The following AMPD3 variants were observed in gnomAD, a reference collection of about 807,000 sequenced individuals.
The protein encoded by AMPD3 is AMP deaminase 3.
Under a neutral mutation model 82.3 loss-of-function variants are expected in AMPD3, and 57 were observed. The observed-to-expected ratio is 0.69, with a 90% confidence interval of 0.56 to 0.86. The LOEUF (loss-of-function observed/expected upper bound fraction) is 0.86. AMPD3 is among the 40% of genes least tolerant of loss of function. The pLI is 0.00. For missense variants in AMPD3, 870 were observed against 1,003.8 expected (o/e 0.87, Z 1.80); for synonymous variants, 381 against 394.7 (o/e 0.97, Z 0.41).
Position 10,505,932 on chromosome 11 carries a change from T to C in AMPD3, c.*48T>C, listed in dbSNP as rs1237384511. 2.6e-5 allele frequency: 41 copies of C among 1,605,878 alleles called. No individual in the cohort carries two copies. Among genetic ancestry groups the C allele is most frequent in the Middle Eastern group, 1.6e-4 (1 of 6,068 alleles). ...TAACTTTTTGGTTCAATTTCAAGTC[T>C]GCTGTGGCTAATAGTGGTCAAGATT... On this transcript the variant is annotated 3_prime_UTR_variant, in exon 15 of 15. Coordinates refer to ENST00000396553, the MANE Select transcript of AMPD3 (RefSeq NM_001025389.2).
At chr11:10,500,475 AC>A (rs1263828819) in intron 11 of AMPD3, 1 of 592,768 alleles carries the variant, frequency 1.7e-6, no homozygotes, top group Non-Finnish European at 2.1e-6. Flanking sequence ...ACCATAACAC[AC>A]ATGCCAGTAC....
At chr11:10,455,242 T>C (rs1848058821), upstream of AMPD3, 1 of 985,456 alleles carries the variant, frequency 1.0e-6, no homozygotes, top group Non-Finnish European at 1.2e-6. Flanking sequence ...TGGGAGGCTA[T>C]GTGTCTGTTC....
At chr11:10,470,732 T>C (rs539781545) in intron 2 of AMPD3, among the ~76,000 whole-genome samples, 3 of 152,202 alleles carry the variant, frequency 2.0e-5, no homozygotes, top group African/African-American at 7.2e-5. Flanking sequence ...GAGAATAAAA[T>C]AGCTAGGAAT....
intron 1 of AMPD3, among the ~76,000 whole-genome samples, chr11:10,460,064 AT>A (rs1191869340): frequency 7.0e-6 from 1 of 143,558 alleles, no homozygotes; most frequent in South Asian, 2.1e-4. Context: ...TATAATATAT[AT>A]TATATATAAT....
chr11:10,500,051 G>A (rs748606811), intron 10 of AMPD3, 35 bp from the exon 11 acceptor site: 2 of 1,613,896 alleles, frequency 1.2e-6, no homozygotes, highest in East Asian at 2.2e-5. Context: ...TCCTGGTCCT[G>A]CCTTGGCCTG....
Position 10,496,926 on chromosome 11 carries a change from C to T in AMPD3, c.1545C>T (p.Leu515=). 1 of 1,614,102 alleles carries T rather than the reference C, an allele frequency of 6.2e-7. No homozygotes were observed. The highest frequency in any genetic ancestry group is 8.5e-7 in the Non-Finnish European group (1 of 1,179,952). ...CCCAAGATCATCGAGAGCTTCACCT[C>T]TTCCTTAAATATGTAAGTGTGGGTG... ...INPQDHRELH[L]FLKYVTGFDS... The change falls in exon 10 of 15, where the codon CTC becomes CTT. Residue 515 remains leucine (L), a synonymous_variant. Transcript: ENST00000396553.
chr11:10,487,355 C>A lies in AMPD3; in HGVS notation c.930C>A (p.Asn310Lys). The change falls in exon 6 of 15, where the codon AAC becomes AAA. Residue 310 changes from asparagine (N) to lysine (K), a missense_variant. Coordinates refer to ENST00000396553, the MANE Select transcript of AMPD3 (RefSeq NM_001025389.2). ...LKSNPHRDFY[N>K]VRKVDTHIHA... Reference sequence around the variant, plus strand: ...GTAACCCCCACCGGGACTTCTATAACGTGAGAAAGGTGCGTTAGGGGCGAG... The same window carrying A: ...GTAACCCCCACCGGGACTTCTATAAAGTGAGAAAGGTGCGTTAGGGGCGAG... The A allele has an allele frequency of 1.9e-6, 3 of 1,614,074 alleles. No homozygotes were observed. Among genetic ancestry groups the A allele is most frequent in the Non-Finnish European group, 2.5e-6 (3 of 1,179,984 alleles).
chr11:10,505,051 G>C, intron 14 of AMPD3: 1 of 918,884 alleles, frequency 1.1e-6, no homozygotes, highest in Non-Finnish European at 1.3e-6. Flanking sequence ...CCGGGCCCTA[G>C]ATAGTCCCTG....
chr11:10,483,374 C>T (rs988957543), intron 4 of AMPD3, among the ~76,000 whole-genome samples: 1 of 152,142 alleles, frequency 6.6e-6, no homozygotes, highest in Non-Finnish European at 1.5e-5. Context: ...GCTGGTGGTG[C>T]CAAGTTGCCC....
rs530865051 is a variant in AMPD3 at position 10,486,697 on chromosome 11, C to A, written c.810-538C>A. On this transcript the variant is annotated intron_variant, in intron 5 of 14. Transcript: ENST00000396553. ...TTAGGTCAGGGGGCTGGTTCCTCTG[C>A]AACCCAAGGTGGGCAGGTCATGCCT... 175 of 985,432 alleles carry A rather than the reference C, an allele frequency of 1.8e-4. 1 individual carries two copies. Among genetic ancestry groups the A allele is most frequent in the Middle Eastern group, 5.2e-4 (1 of 1,914 alleles). 61.0% of individuals were successfully genotyped at this position (985,432 alleles called of 1,614,324 possible).
At chr11:10,472,541 A>G (rs933291390) in intron 2 of AMPD3, among the ~76,000 whole-genome samples, 1 of 152,308 alleles carries the variant, frequency 6.6e-6, no homozygotes, top group African/African-American at 2.4e-5. Context: ...TTTGAGTGAA[A>G]TTGAGAAACA....
chr11:10,477,785 T>C (rs1433432893), intron 2 of AMPD3: 1 of 741,172 alleles, frequency 1.3e-6, no homozygotes, highest in Non-Finnish European at 1.6e-6. Context: ...CACTGTGCCA[T>C]GGGCCGTGTG....
Position 10,456,878 on chromosome 11 carries a change from TG to T in AMPD3, c.-6+1435del, listed in dbSNP as rs1222040348. Among the ~76,000 whole-genome samples, 5 of 152,058 alleles carry T rather than the reference TG, an allele frequency of 3.3e-5. No homozygotes were observed. In the East Asian group the frequency reaches 7.7e-4, roughly 23 times the overall value. On this transcript the variant is annotated intron_variant, in intron 1 of 14. Transcript: ENST00000396553. The surrounding 1 kb of genome is among the most constrained non-coding windows in gnomAD (Gnocchi z 4.3). ...AAGGACATCCAGAAGGCAGCAGATG[TG>T]GGGGCAGCTGCTAAGGCCTGCAGCA...
intron 11 of AMPD3, 152 bp downstream of exon 11, chr11:10,500,401 C>T (rs3741038): frequency 0.46 from 534,153 of 1,150,308 alleles, 126,636 homozygotes; most frequent in East Asian, 0.62. Context: ...TCAAAACACA[C>T]AGCACTTTCC....
upstream of AMPD3, chr11:10,455,148 T>C: frequency 3.0e-6 from 3 of 985,386 alleles, no homozygotes; most frequent in Non-Finnish European, 3.6e-6. Flanking sequence ...CCTGAGCTCT[T>C]CTCCCCAGGA....
chr11:10,460,098 T>C (rs575014321), intron 1 of AMPD3, among the ~76,000 whole-genome samples: 2 of 146,420 alleles, frequency 1.4e-5, no homozygotes, highest in South Asian at 4.2e-4. Context: ...TATATATATA[T>C]ATTTTATTTT....
intron 2 of AMPD3, among the ~76,000 whole-genome samples, chr11:10,475,977 T>C (rs1208140329): frequency 6.6e-6 from 1 of 152,204 alleles, no homozygotes; most frequent in South Asian, 2.1e-4. Flanking sequence ...TTTTGGCCTC[T>C]TGATACCCTG....
intron 4 of AMPD3, 45 bp from the exon 5 acceptor site, chr11:10,484,775 C>T (rs766774048): frequency 6.2e-7 from 1 of 1,605,460 alleles, no homozygotes; most frequent in South Asian, 1.1e-5. Flanking sequence ...CATGTGTGCT[C>T]ACAAGGTCAG....
At chr11:10,454,602 C>T (rs1028054859), upstream of AMPD3, among the ~76,000 whole-genome samples, 17 of 152,150 alleles carry the variant, frequency 1.1e-4, no homozygotes, top group Admixed American at 5.9e-4. Flanking sequence ...GCCTTCTGAC[C>T]TTTCATGTTC....
Sources: gnomAD v4.1 joint callset for allele counts (sites outside exome capture counted in the v4.1 genomes callset) on GRCh38, gnomAD v4.1.1 for gene constraint, Gnocchi (gnomAD v3.1) non-coding constraint, MANE v1.5 for transcripts, NCBI Gene and HGNC (gene_info 2026-07-23, HGNC 2026-07-21) for gene names.